The following RSF1 variants were observed in gnomAD, a reference collection of about 807,000 sequenced individuals.
RSF1 encodes remodeling and spacing factor 1.
RSF1 carries 13 observed loss-of-function variants against 145.2 expected under a neutral mutation model. That is an observed-to-expected ratio of 0.09 (90% CI 0.06 to 0.14). RSF1 has a LOEUF of 0.14. Among genes scored for constraint, RSF1 ranks in the 10% least tolerant of loss-of-function variants. The pLI, the probability that RSF1 is intolerant of heterozygous loss-of-function variation, is 1.00. For missense variants in RSF1, 1,517 were observed against 1,718.2 expected (o/e 0.88, Z 2.07); for synonymous variants, 577 against 592.6 (o/e 0.97, Z 0.38).
the RSF1 span, among the ~76,000 whole-genome samples, chr11:77,852,786 AC>A: frequency 6.6e-6 from 1 of 152,098 alleles, no homozygotes; most frequent in Non-Finnish European, 1.5e-5. Context: ...CATTTTCCAT[AC>A]GCAAAAGGTA....
intron 2 of RSF1, among the ~76,000 whole-genome samples, chr11:77,757,588 G>T (rs1948128503): frequency 6.6e-6 from 1 of 152,166 alleles, no homozygotes; most frequent in African/African-American, 2.4e-5. Flanking sequence ...CAAGGCAGGA[G>T]AATCGCTTGA....
chr11:77,751,172 T>C (rs1294318422), intron 2 of RSF1, among the ~76,000 whole-genome samples: 1 of 152,220 alleles, frequency 6.6e-6, no homozygotes, highest in Non-Finnish European at 1.5e-5. Flanking sequence ...TGACTTCACA[T>C]GCCTACAGAG....
rs992921186 is a variant in RSF1 at position 77,664,415 on chromosome 11, C to T, written c.*2502G>A. The T allele has an allele frequency of 3.3e-5, 5 of 152,194 alleles. No individual in the cohort carries two copies. Among genetic ancestry groups the T allele is most frequent in the Admixed American group, 6.6e-5 (1 of 15,264 alleles). 9.4% of individuals were successfully genotyped at this position (152,194 alleles called of 1,614,324 possible). A position where few individuals can be genotyped will look rare whatever the true frequency, so the allele number is the denominator to read the frequency against. ...GTGGTCTCCAAACCTAAATGGAATA[C>T]TCAGTCTTTGAGATGGTAAGAATTA... On this transcript the variant is annotated 3_prime_UTR_variant, in exon 16 of 16. Transcript: ENST00000308488.
intron 11 of RSF1, 145 bp downstream of exon 11, chr11:77,683,565 A>T (rs577214038): frequency 1.9e-6 from 1 of 522,256 alleles, no homozygotes; most frequent in African/African-American, 2.0e-5. Context: ...GGAAAAAAAA[A>T]ATTCTATGAC....
chr11:77,807,663 G>C (rs79353389), intron 1 of RSF1, among the ~76,000 whole-genome samples: 1 of 152,142 alleles, frequency 6.6e-6, no homozygotes, highest in Non-Finnish European at 1.5e-5. Context: ...GGAAAAATAG[G>C]TAAGAACAGA....
intron 2 of RSF1, among the ~76,000 whole-genome samples, chr11:77,761,604 G>A (rs973695745): frequency 6.6e-6 from 1 of 152,046 alleles, no homozygotes; most frequent in Non-Finnish European, 1.5e-5. Context: ...TAGCATAGTG[G>A]TATTCATTAT....
At chr11:77,676,540 T>G (rs1959706922) in intron 13 of RSF1, among the ~76,000 whole-genome samples, 1 of 152,232 alleles carries the variant, frequency 6.6e-6, no homozygotes, top group Admixed American at 6.5e-5. Flanking sequence ...AAATGAAAGT[T>G]TAATTGTAGT....
intron 8 of RSF1, among the ~76,000 whole-genome samples, chr11:77,692,262 T>A (rs1313945943): frequency 1.6e-3 from 141 of 87,600 alleles, no homozygotes; most frequent in African/African-American, 4.7e-3. Context: ...TTTTTTTTTT[T>A]GAGACGGAGT....
At chr11:77,835,305 T>C in the RSF1 span, among the ~76,000 whole-genome samples, 31 of 152,290 alleles carry the variant, frequency 2.0e-4, no homozygotes, top group Admixed American at 1.8e-3. Flanking sequence ...GAGCTCCATA[T>C]TAAACTATGA....
upstream of RSF1, among the ~76,000 whole-genome samples, chr11:77,821,847 ATTCAGCCAGGCCTGAGTCC>A (rs1349187956): frequency 6.6e-6 from 1 of 152,154 alleles, no homozygotes; most frequent in African/African-American, 2.4e-5. Context: ...TGAGCTTTGG[ATTCAGCCAGGCCTGAGTCC>A]TAGCGGGGCT....
the RSF1 span, among the ~76,000 whole-genome samples, chr11:77,870,882 T>C: frequency 2.0e-5 from 3 of 152,308 alleles, no homozygotes; most frequent in East Asian, 1.9e-4. Flanking sequence ...TATAACTTTT[T>C]CCCCCACTTA....
At chr11:77,728,912 T>C (rs2135892058) in intron 4 of RSF1, among the ~76,000 whole-genome samples, 1 of 150,616 alleles carries the variant, frequency 6.6e-6, no homozygotes, top group East Asian at 1.9e-4. Flanking sequence ...AAAAAAGAGA[T>C]GGTGGCTTGG....
chr11:77,801,068 G>C (rs1211250631), intron 1 of RSF1, among the ~76,000 whole-genome samples: 1 of 152,064 alleles, frequency 6.6e-6, no homozygotes, highest in Non-Finnish European at 1.5e-5. Context: ...ACACAGAAGA[G>C]GATAGAACAC....
intron 4 of RSF1, among the ~76,000 whole-genome samples, chr11:77,731,297 G>C (rs1380596062): frequency 6.6e-6 from 1 of 152,302 alleles, no homozygotes; most frequent in South Asian, 2.1e-4. Context: ...AGATGATTTA[G>C]GGTATGTGGA....
intron 6 of RSF1, among the ~76,000 whole-genome samples, chr11:77,700,349 CAAAAAA>C (rs71046906): frequency 4.2e-5 from 2 of 47,196 alleles, no homozygotes; most frequent in Admixed American, 3.5e-4. Context: ...GACTGTCTCA[CAAAAAA>C]AAAAAAAAAA....
chr11:77,827,399 G>A, the RSF1 span, among the ~76,000 whole-genome samples: 1 of 152,086 alleles, frequency 6.6e-6, no homozygotes, highest in African/African-American at 2.4e-5. Flanking sequence ...TTAAATACTA[G>A]CAAACCAGTT....
intron 1 of RSF1, among the ~76,000 whole-genome samples, chr11:77,769,505 A>C (rs1411847291): frequency 6.6e-6 from 1 of 152,182 alleles, no homozygotes; most frequent in South Asian, 2.1e-4. Flanking sequence ...CCCTTCTTTC[A>C]CAGGGCCTCA....
At chr11:77,821,118 A>T (rs961170116), upstream of RSF1, 9 of 434,684 alleles carry the variant, frequency 2.1e-5, no homozygotes, top group Non-Finnish European at 3.2e-5. Flanking sequence ...GGCGCTGTTC[A>T]ACTGCAGGGC....
At chr11:77,767,646 C>G (rs1385970368) in intron 1 of RSF1, among the ~76,000 whole-genome samples, 1 of 152,180 alleles carries the variant, frequency 6.6e-6, no homozygotes, top group Non-Finnish European at 1.5e-5. Flanking sequence ...CCACTTGAAT[C>G]ATATTTATCT....
Sources: gnomAD v4.1 joint callset for allele counts (sites outside exome capture counted in the v4.1 genomes callset) on GRCh38, gnomAD v4.1.1 for gene constraint, MANE v1.5 for transcripts, NCBI Gene and HGNC (gene_info 2026-07-23, HGNC 2026-07-21) for gene names.